The following ANKS1B variants were observed in gnomAD, a reference collection of about 807,000 sequenced individuals.
ANKS1B encodes the protein ankyrin repeat and sterile alpha motif domain containing 1B.
Under a neutral mutation model 148.3 loss-of-function variants are expected in ANKS1B, and 36 were observed. The observed-to-expected ratio is 0.24, with a 90% confidence interval of 0.19 to 0.32. The LOEUF (loss-of-function observed/expected upper bound fraction) is 0.32, where lower values mean the gene tolerates loss of function less well. Among genes scored for constraint, ANKS1B ranks in the 10% least tolerant of loss-of-function variants. The probability of loss-of-function intolerance (pLI) is 1.00; values close to 1 mark genes in which losing one functional copy is unlikely to be tolerated. For synonymous variants in ANKS1B, 542 were observed against 560.8 expected (o/e 0.97, Z 0.47); for missense variants, 1,157 against 1,542.6 (o/e 0.75, Z 4.19).
At chr12:99,486,143 T>C (rs945685027) in intron 10 of ANKS1B, among the ~76,000 whole-genome samples, 1 of 152,150 alleles carries the variant, frequency 6.6e-6, no homozygotes, top group Admixed American at 6.5e-5. Context: ...TTCCTTCTCA[T>C]TTGGGTAGAC....
At chr12:99,633,899 G>A (rs550326664) in intron 9 of ANKS1B, among the ~76,000 whole-genome samples, 2 of 152,294 alleles carry the variant, frequency 1.3e-5, no homozygotes, top group African/African-American at 4.8e-5. Flanking sequence ...TAATGGAAAT[G>A]TCTACCATAT....
At chr12:99,057,384 C>T (rs965909308) in intron 16 of ANKS1B, among the ~76,000 whole-genome samples, 5 of 152,122 alleles carry the variant, frequency 3.3e-5, no homozygotes, top group African/African-American at 1.2e-4. Context: ...TTTGAAATTG[C>T]ATAATATTCT....
chr12:99,397,845 A>G (rs2152569253), intron 12 of ANKS1B, among the ~76,000 whole-genome samples: 1 of 152,236 alleles, frequency 6.6e-6, no homozygotes, highest in East Asian at 1.9e-4. Context: ...TCTACTTGAG[A>G]TAGGGTGGTA....
At chr12:98,975,359 TCCCTTCCTGCCTTCCA>T (rs1366736535) in intron 17 of ANKS1B, among the ~76,000 whole-genome samples, 1 of 144,050 alleles carries the variant, frequency 6.9e-6, no homozygotes, top group Non-Finnish European at 1.5e-5. Flanking sequence ...CTTCCCTCCC[TCCCTTCCTGCCTTCCA>T]CCCTTCCTAC....
intron 1 of ANKS1B, among the ~76,000 whole-genome samples, chr12:99,827,284 T>A (rs1440400319): frequency 3.3e-5 from 5 of 150,824 alleles, no homozygotes. Flanking sequence ...TTATGCTAAG[T>A]GAAATAAGCC....
chr12:99,375,188 T>C (rs1384131763), intron 12 of ANKS1B, among the ~76,000 whole-genome samples: 3 of 152,246 alleles, frequency 2.0e-5, no homozygotes, highest in Non-Finnish European at 4.4e-5. Context: ...TAGAGCTAGA[T>C]AATTCTTTGC....
chr12:99,546,579 A>T (rs572185150), intron 9 of ANKS1B, among the ~76,000 whole-genome samples: 1 of 152,172 alleles, frequency 6.6e-6, no homozygotes, highest in Non-Finnish European at 1.5e-5. Context: ...GGGATCTCTG[A>T]TAAGTACAGG....
intron 9 of ANKS1B, among the ~76,000 whole-genome samples, chr12:99,582,363 G>A (rs1251873321): frequency 6.6e-6 from 1 of 151,424 alleles, no homozygotes; most frequent in Non-Finnish European, 1.5e-5. Context: ...AAAAAAGACA[G>A]AGATGAAAAC....
intron 12 of ANKS1B, among the ~76,000 whole-genome samples, chr12:99,369,791 T>TAGATAGATAGATAGATAGATAGACGGAC (rs879173702): frequency 6.7e-5 from 10 of 148,770 alleles, no homozygotes; most frequent in African/African-American, 2.2e-4. Context: ...GATAGATAGA[T>TAGATAGATAGATAGATAGATAGACGGAC]GGACGGACGG....
chr12:99,366,682 A>G (rs2092788652), intron 12 of ANKS1B, among the ~76,000 whole-genome samples: 1 of 152,198 alleles, frequency 6.6e-6, no homozygotes, highest in Non-Finnish European at 1.5e-5. Context: ...TCTATCTTAT[A>G]CATTATCTCA....
At chr12:99,010,743 T>TTAC (rs1162322138) in intron 17 of ANKS1B, among the ~76,000 whole-genome samples, 3 of 130,640 alleles carry the variant, frequency 2.3e-5, no homozygotes, top group Non-Finnish European at 4.7e-5. Context: ...AGCATTATTA[T>TTAC]TATTATTATT....
chr12:99,758,595 ATACTAT>A (rs1296993351), intron 8 of ANKS1B, among the ~76,000 whole-genome samples: 4 of 151,916 alleles, frequency 2.6e-5, no homozygotes, highest in East Asian at 1.9e-4. Flanking sequence ...TACCTGCAAG[ATACTAT>A]TACTATTACT....
At chr12:99,794,306 A>G (rs990775183) in intron 4 of ANKS1B, among the ~76,000 whole-genome samples, 1 of 152,038 alleles carries the variant, frequency 6.6e-6, no homozygotes, top group Admixed American at 6.6e-5. Flanking sequence ...ATGATCCAGC[A>G]ATCCCACTGC....
intron 8 of ANKS1B, among the ~76,000 whole-genome samples, chr12:99,736,086 A>G (rs1033361578): frequency 2.6e-5 from 4 of 152,122 alleles, no homozygotes; most frequent in Non-Finnish European, 5.9e-5. Flanking sequence ...AATTCTCAAC[A>G]AGCTAGCATA....
chr12:99,840,509 T>C lies in ANKS1B; in HGVS notation c.135-15120A>G, dbSNP rs77722955. ...AGAAGCAAGGAGATCAGTTAGGAAA[T>C]TACTATAGTAATGCAGGAAAAGATG... On this transcript the variant is annotated intron_variant, in intron 1 of 26. Coordinates refer to ENST00000683438, the MANE Select transcript of ANKS1B (RefSeq NM_001352186.2). 8.1e-3 allele frequency among the ~76,000 whole-genome samples: 1,226 copies of C among 152,090 alleles called. 16 individuals are homozygous for C. The highest frequency in any genetic ancestry group is 0.028 in the African/African-American group (1,160 of 41,482).
chr12:99,914,736 T>G (rs2094117245), intron 1 of ANKS1B, among the ~76,000 whole-genome samples: 1 of 151,970 alleles, frequency 6.6e-6, no homozygotes, highest in Non-Finnish European at 1.5e-5. Context: ...GGGGTGTACA[T>G]GAGACCACTA....
Position 99,085,026 on chromosome 12 carries a change from G to T in ANKS1B, c.2527-3C>A. ...TGATCTTCCATAACATTGCTTCCCT[G>T]AAACAAAACAGAAATGTTACAAGTT... On this transcript the variant is annotated splice_polypyrimidine_tract_variant and splice_region_variant and intron_variant, in intron 15 of 26. Coordinates refer to ENST00000683438, the MANE Select transcript of ANKS1B (RefSeq NM_001352186.2). 1 of 1,598,236 alleles carries T rather than the reference G, an allele frequency of 6.3e-7. No homozygotes were observed. The highest frequency in any genetic ancestry group is 8.5e-7 in the Non-Finnish European group (1 of 1,170,202).
chr12:98,861,307 G>A (rs998650150), intron 17 of ANKS1B, among the ~76,000 whole-genome samples: 6 of 152,142 alleles, frequency 3.9e-5, no homozygotes, highest in South Asian at 2.1e-4. Context: ...CTGAGGGGGC[G>A]CACTTCTTGG....
At chr12:99,605,556 C>T (rs778697294) in intron 9 of ANKS1B, among the ~76,000 whole-genome samples, 1 of 152,012 alleles carries the variant, frequency 6.6e-6, no homozygotes, top group Non-Finnish European at 1.5e-5. Context: ...ACTTTTTTAG[C>T]TCCCACATAT....
Sources: allele counts gnomAD v4.1 joint callset (sites outside exome capture counted in the v4.1 genomes callset), GRCh38; gene constraint gnomAD v4.1.1; transcripts MANE v1.5; gene names NCBI Gene and HGNC (gene_info 2026-07-23, HGNC 2026-07-21).